Variants in RXFP1 observed in about 807,000 individuals in gnomAD.
The protein encoded by RXFP1 is relaxin family peptide receptor 1.
In RXFP1, 73 loss-of-function variants were observed where a neutral mutation model predicts 89.8. That is an observed-to-expected ratio of 0.81 (90% CI 0.67 to 0.99). The LOEUF is 0.99. Among genes scored for constraint, RXFP1 ranks in the 50% least tolerant of loss-of-function variants. The pLI is 0.00. For missense variants in RXFP1, 793 were observed against 895.5 expected, an observed-to-expected ratio of 0.89 and a Z score of 1.46; for synonymous variants, 277 against 305.5, an observed-to-expected ratio of 0.91 and a Z score of 0.97.
At chr4:158,647,304 G>C in intron 16 of RXFP1, 103 bp downstream of exon 16, 1 of 928,440 alleles carries the variant, frequency 1.1e-6, no homozygotes, top group Non-Finnish European at 1.6e-6. Context: ...TCCCCAGCAA[G>C]GATTTTCCTC....
At chr4:158,616,188 G>A (rs534741434) in intron 8 of RXFP1, among the ~76,000 whole-genome samples, 6 of 152,240 alleles carry the variant, frequency 3.9e-5, no homozygotes, top group South Asian at 2.1e-4. Flanking sequence ...TTGGGAGGCC[G>A]AGGTGGGCAG....
At position 158,652,071 on chromosome 4, in the gene RXFP1, AT is replaced by A; in HGVS notation, c.*19del. ...CTATTCATGACTGACTCTGAAATTC[AT>A]TTCTTCGCAGAGAATACTGTGGGGG... On this transcript the variant is annotated 3_prime_UTR_variant, in exon 18 of 18. Transcript: ENST00000307765. The A allele has an allele frequency of 6.3e-7, 1 of 1,590,266 alleles. No homozygotes were observed. The highest frequency in any genetic ancestry group is 8.6e-7 in the Non-Finnish European group (1 of 1,166,054).
At chr4:158,547,510 C>G (rs1748793322) in intron 1 of RXFP1, among the ~76,000 whole-genome samples, 1 of 151,840 alleles carries the variant, frequency 6.6e-6, no homozygotes, top group African/African-American at 2.4e-5. Context: ...TGTGTTTTCT[C>G]TTGCTTTTCT....
intron 1 of RXFP1, among the ~76,000 whole-genome samples, chr4:158,562,968 G>C (rs1299545791): frequency 1.3e-5 from 2 of 152,172 alleles, no homozygotes; most frequent in Non-Finnish European, 2.9e-5. Flanking sequence ...TCCATGGGAA[G>C]AAAATCATTT....
At chr4:158,539,949 G>T (rs562584741) in intron 1 of RXFP1, among the ~76,000 whole-genome samples, 1 of 152,192 alleles carries the variant, frequency 6.6e-6, no homozygotes, top group African/African-American at 2.4e-5. Context: ...AAGAGCAGTG[G>T]GTTTAGAAAA....
chr4:158,650,101 C>T (rs997105682), intron 17 of RXFP1, among the ~76,000 whole-genome samples: 1 of 152,122 alleles, frequency 6.6e-6, no homozygotes, highest in Non-Finnish European at 1.5e-5. Context: ...TATAGATGAA[C>T]CTTGAAGATA....
At position 158,639,336 on chromosome 4, in the gene RXFP1, G is replaced by A. The variant is rs748044505; in HGVS notation, c.1115+5G>A. On this transcript the variant is annotated splice_donor_5th_base_variant and intron_variant, in intron 14 of 17. Coordinates refer to ENST00000307765, the MANE Select transcript of RXFP1 (RefSeq NM_021634.4). ...TCTTATGAATCTCTCTCACATGTAA[G>A]TAGATATTTTATTGTTTTTCACTGT... 3 of 1,448,530 alleles carry A rather than the reference G, an allele frequency of 2.1e-6. No individual in the cohort carries two copies. The highest frequency in any genetic ancestry group is 3.4e-5 in the Admixed American group (2 of 58,712). 89.7% of individuals were successfully genotyped at this position (1,448,530 alleles called of 1,614,324 possible). A position where few individuals can be genotyped will look rare whatever the true frequency, so the allele number is the denominator to read the frequency against.
chr4:158,613,021 C>T (rs1164946942), intron 8 of RXFP1, among the ~76,000 whole-genome samples: 11 of 152,328 alleles, frequency 7.2e-5, no homozygotes, highest in Middle Eastern at 3.4e-3. Context: ...TAAAGCAAGT[C>T]ACACAAATTT....
At chr4:158,602,476 C>T (rs1249970421) in intron 4 of RXFP1, among the ~76,000 whole-genome samples, 1 of 151,954 alleles carries the variant, frequency 6.6e-6, no homozygotes, top group Non-Finnish European at 1.5e-5. Flanking sequence ...AAGGAAAATG[C>T]CATGGCCTAT....
In RXFP1 at chr4:158,628,690, C is replaced by A; in HGVS notation, c.880C>A (p.Leu294Ile). 1.3e-6 allele frequency: 2 copies of A among 1,576,902 alleles called. No individual in the cohort carries two copies. The highest frequency in any genetic ancestry group is 8.7e-7 in the Non-Finnish European group (1 of 1,149,596). ...CTTAAATGAAAATACTTTTGCACCTCTCCAGAAACTGGATGAATTGTAAGT... is the reference window on the plus strand; with the variant it reads ...CTTAAATGAAAATACTTTTGCACCTATCCAGAAACTGGATGAATTGTAAGT... ...NHLNENTFAP[L>I]QKLDELDLGS... The change falls in exon 11 of 18, where the codon CTC (leucine) becomes ATC (isoleucine). Residue 294 changes from leucine (L) to isoleucine (I), a missense_variant. Leu to Ile is a conservative substitution (Grantham distance 5, BLOSUM62 2). Transcript: ENST00000307765.
intron 1 of RXFP1, among the ~76,000 whole-genome samples, chr4:158,570,366 G>A (rs1264553746): frequency 1.3e-5 from 2 of 152,142 alleles, no homozygotes; most frequent in East Asian, 3.8e-4. Context: ...AAAGTATTGA[G>A]CTGAGTTAGA....
chr4:158,628,790 T>G, intron 11 of RXFP1, 81 bp downstream of exon 11: 3 of 629,862 alleles, frequency 4.8e-6, no homozygotes, highest in Non-Finnish European at 7.9e-6. Flanking sequence ...GTTTATACAT[T>G]TAAGAAATAT....
intron 9 of RXFP1, among the ~76,000 whole-genome samples, chr4:158,620,334 TA>T (rs1765385675): frequency 6.6e-6 from 1 of 152,056 alleles, no homozygotes; most frequent in African/African-American, 2.4e-5. Flanking sequence ...TACAATTGTC[TA>T]ACAAATGTGT....
chr4:158,550,563 C>A (rs974663853), intron 1 of RXFP1, among the ~76,000 whole-genome samples: 1 of 152,190 alleles, frequency 6.6e-6, no homozygotes, highest in African/African-American at 2.4e-5. Context: ...AGCTGTAGAC[C>A]GGAGCTGTTC....
At chr4:158,617,002 AAAT>A in intron 8 of RXFP1, 126 bp from the exon 9 acceptor site, 1 of 630,600 alleles carries the variant, frequency 1.6e-6, no homozygotes, top group Non-Finnish European at 2.6e-6. Flanking sequence ...AAAAAAAAAA[AAAT>A]TAGAAGGAAA....
chr4:158,561,776 T>TG (rs919910357), intron 1 of RXFP1, among the ~76,000 whole-genome samples: 4 of 151,854 alleles, frequency 2.6e-5, no homozygotes, highest in Non-Finnish European at 4.4e-5. Context: ...TACAGGCGTG[T>TG]GCTACCATGC....
intron 13 of RXFP1, 129 bp downstream of exon 13, chr4:158,638,208 C>T: frequency 1.8e-6 from 1 of 557,228 alleles, no homozygotes; most frequent in East Asian, 3.2e-5. Flanking sequence ...TCCACAAAAA[C>T]ATATGGGTGC....
At chr4:158,608,465 AG>A (rs1762954259) in intron 6 of RXFP1, among the ~76,000 whole-genome samples, 1 of 150,896 alleles carries the variant, frequency 6.6e-6, no homozygotes, top group African/African-American at 2.4e-5. Flanking sequence ...TCTCTGACAA[AG>A]AAAAAAAAAA....
chr4:158,608,070 C>G lies in RXFP1; in HGVS notation c.536+27C>G, dbSNP rs771208832. 2.0e-6 allele frequency: 3 copies of G among 1,473,274 alleles called. No individual in the cohort carries two copies. The Admixed American group carries it at 5.2e-5, about 25-fold the overall frequency. 91.3% of individuals were successfully genotyped at this position (1,473,274 alleles called of 1,614,324 possible). ...TAAGTACCAGTGTGAATTAATTTGC[C>G]CATTCCATGGTAGTCTGACAGCCTA... is the stretch of plus-strand genomic sequence containing the variant. On this transcript the variant is annotated intron_variant, in intron 6 of 17. Coordinates refer to ENST00000307765, the MANE Select transcript of RXFP1 (RefSeq NM_021634.4).
Sources: gnomAD v4.1 joint callset for allele counts (sites outside exome capture counted in the v4.1 genomes callset) on GRCh38, gnomAD v4.1.1 for gene constraint, MANE v1.5 for transcripts, NCBI Gene and HGNC (gene_info 2026-07-23, HGNC 2026-07-21) for gene names.